NELL1: variants seen among roughly 807,000 people sequenced by gnomAD.
The protein encoded by NELL1 is neural EGFL like 1.
Under a neutral mutation model 107.4 loss-of-function variants are expected in NELL1, and 76 were observed. That is an observed-to-expected ratio of 0.71 (90% CI 0.59 to 0.86). The LOEUF is 0.86. NELL1 is among the 40% of genes least tolerant of loss of function. The pLI, the probability that NELL1 is intolerant of heterozygous loss-of-function variation, is 0.00. For synonymous variants in NELL1, 353 were observed against 341.2 expected, an observed-to-expected ratio of 1.03 and a Z score of -0.38; for missense variants, 1,024 against 1,005.5, an observed-to-expected ratio of 1.02 and a Z score of -0.25.
chr11:21,287,263 C>A (rs767123163), intron 14 of NELL1, among the ~76,000 whole-genome samples: 1 of 152,032 alleles, frequency 6.6e-6, no homozygotes, highest in African/African-American at 2.4e-5. Context: ...TCCTCATTAG[C>A]TTTTCTTATC....
intron 13 of NELL1, among the ~76,000 whole-genome samples, chr11:21,130,453 G>A (rs930629357): frequency 6.6e-6 from 1 of 152,142 alleles, no homozygotes; most frequent in Non-Finnish European, 1.5e-5. Flanking sequence ...AGTTTTGGGT[G>A]GGGCACTTCA....
chr11:20,687,579 T>G (rs778720134), intron 2 of NELL1, among the ~76,000 whole-genome samples: 10 of 150,904 alleles, frequency 6.6e-5, no homozygotes, highest in Non-Finnish European at 1.3e-4. Flanking sequence ...GGTTAAGGTC[T>G]TTATGAACTA....
At chr11:21,116,585 A>G (rs909168586) in intron 13 of NELL1, among the ~76,000 whole-genome samples, 3 of 151,850 alleles carry the variant, frequency 2.0e-5, no homozygotes, top group Non-Finnish European at 4.4e-5. Flanking sequence ...CTTCTCTCCC[A>G]ACTTCTCCCA....
At chr11:21,538,044 G>A (rs183991008) in intron 16 of NELL1, among the ~76,000 whole-genome samples, 74 of 152,168 alleles carry the variant, frequency 4.9e-4, no homozygotes, top group African/African-American at 1.7e-3. Flanking sequence ...GAGCACATCT[G>A]AATAAACCCT....
At chr11:21,553,441 A>C (rs1297311074) in intron 16 of NELL1, among the ~76,000 whole-genome samples, 2 of 151,976 alleles carry the variant, frequency 1.3e-5, no homozygotes, top group East Asian at 1.9e-4. Context: ...TTGTTATCCC[A>C]AAACTAGTTC....
At chr11:20,772,586 G>T (rs993782909) in intron 2 of NELL1, among the ~76,000 whole-genome samples, 1 of 150,226 alleles carries the variant, frequency 6.7e-6, no homozygotes, top group Admixed American at 6.6e-5. Flanking sequence ...ATGTCATAAG[G>T]TGCCTATTAC....
chr11:21,006,045 G>T (rs56385820), intron 12 of NELL1, among the ~76,000 whole-genome samples: 1 of 151,556 alleles, frequency 6.6e-6, no homozygotes, highest in Non-Finnish European at 1.5e-5. Context: ...TTTGGGGGGG[G>T]GAGTGGGAAA....
intron 14 of NELL1, among the ~76,000 whole-genome samples, chr11:21,311,903 C>T (rs892734417): frequency 6.6e-6 from 1 of 152,060 alleles, no homozygotes; most frequent in African/African-American, 2.4e-5. Context: ...TATTAGAAGG[C>T]AGGATCTTTG....
chr11:20,827,527 C>A (rs1315891986), intron 3 of NELL1, among the ~76,000 whole-genome samples: 2 of 151,184 alleles, frequency 1.3e-5, no homozygotes, highest in South Asian at 4.2e-4. Context: ...CTGTCCACTT[C>A]GTCATTCTTC....
chr11:20,742,752 A>G (rs1278652401), intron 2 of NELL1, among the ~76,000 whole-genome samples: 1 of 152,122 alleles, frequency 6.6e-6, no homozygotes, highest in Non-Finnish European at 1.5e-5. Flanking sequence ...CTCCCATGAC[A>G]TGTGGGAATT....
Position 20,996,295 on chromosome 11 carries a change from A to T in NELL1, c.1300+35735A>T, listed in dbSNP as rs545704651. On this transcript the variant is annotated intron_variant, in intron 12 of 19. Transcript: ENST00000357134. ...CCCTTATGCTCAAGATAGTACTTGC[A>T]TGTTCTGTCAGAGGACTGGAGTGAC... Among the ~76,000 whole-genome samples the T allele has an allele frequency of 3.3e-5, 5 of 152,184 alleles. No individual in the cohort carries two copies. In the East Asian group the frequency reaches 9.6e-4, roughly 29 times the overall value.
intron 15 of NELL1, among the ~76,000 whole-genome samples, chr11:21,389,045 C>T (rs1311693156): frequency 6.6e-6 from 1 of 151,710 alleles, no homozygotes; most frequent in Non-Finnish European, 1.5e-5. Flanking sequence ...TACTAGTCCC[C>T]CATTTGCTGG....
chr11:21,294,708 G>A (rs1011857415), intron 14 of NELL1, among the ~76,000 whole-genome samples: 3 of 152,002 alleles, frequency 2.0e-5, no homozygotes, highest in African/African-American at 7.2e-5. Context: ...ACAACTAACA[G>A]GAGTTGAGGC....
chr11:20,818,703 G>T (rs929689201), intron 3 of NELL1, among the ~76,000 whole-genome samples: 6 of 152,126 alleles, frequency 3.9e-5, no homozygotes, highest in African/African-American at 1.4e-4. Context: ...ACTTATCATT[G>T]TCTAGCTTGG....
At chr11:21,536,909 T>C (rs76882629) in intron 16 of NELL1, among the ~76,000 whole-genome samples, 1 of 152,046 alleles carries the variant, frequency 6.6e-6, no homozygotes. Context: ...CTCTCTAACA[T>C]GCTGAGTGGC....
intron 14 of NELL1, among the ~76,000 whole-genome samples, chr11:21,324,393 T>C (rs1850081964): frequency 6.6e-6 from 1 of 152,142 alleles, no homozygotes; most frequent in African/African-American, 2.4e-5. Context: ...AAAATAAAGT[T>C]AGCAGATTCT....
chr11:20,868,443 A>C (rs551536175), intron 4 of NELL1, among the ~76,000 whole-genome samples: 1 of 152,286 alleles, frequency 6.6e-6, no homozygotes, highest in South Asian at 2.1e-4. Context: ...GGATGATAAA[A>C]AGTTAAGGAA....
At chr11:20,698,418 T>C (rs902521984) in intron 2 of NELL1, among the ~76,000 whole-genome samples, 1 of 152,278 alleles carries the variant, frequency 6.6e-6, no homozygotes, top group Middle Eastern at 3.4e-3. Flanking sequence ...AAAGCAGAGA[T>C]GGAGAGAGAC....
intron 15 of NELL1, among the ~76,000 whole-genome samples, chr11:21,435,446 T>G (rs201230054): frequency 3.3e-4 from 15 of 44,986 alleles, no homozygotes; most frequent in African/African-American, 7.8e-4. Flanking sequence ...TTGTTTTTTG[T>G]TTTTTTTTTA....
Sources: gnomAD v4.1 joint callset for allele counts (sites outside exome capture counted in the v4.1 genomes callset) on GRCh38, gnomAD v4.1.1 for gene constraint, MANE v1.5 for transcripts, NCBI Gene and HGNC (gene_info 2026-07-23, HGNC 2026-07-21) for gene names.